Variants in FMN1 observed in about 807,000 individuals in gnomAD.
FMN1 encodes the protein formin-1.
A neutral mutation model predicts 132.4 loss-of-function variants in FMN1; 110 were observed. The ratio of observed to expected loss-of-function variants is 0.83; its 90% confidence interval spans 0.71 to 0.97. FMN1 has a LOEUF of 0.97. Ranked by LOEUF, FMN1 falls within the 50% of genes least tolerant of loss-of-function variation. The pLI, the probability that FMN1 is intolerant of heterozygous loss-of-function variation, is 0.00. For synonymous variants in FMN1, 722 were observed against 651.7 expected, an observed-to-expected ratio of 1.11 and a Z score of -1.64; for missense variants, 1,792 against 1,705.3, an observed-to-expected ratio of 1.05 and a Z score of -0.90.
intron 19 of FMN1, among the ~76,000 whole-genome samples, chr15:32,783,459 T>C (rs1054027950): frequency 5.3e-5 from 8 of 152,076 alleles, no homozygotes; most frequent in African/African-American, 1.9e-4. Flanking sequence ...AAGTTGACTG[T>C]AACCTGGCCG....
At chr15:32,896,165 C>G (rs1479985387) in intron 15 of FMN1, among the ~76,000 whole-genome samples, 1 of 151,878 alleles carries the variant, frequency 6.6e-6, no homozygotes, top group Non-Finnish European at 1.5e-5. Flanking sequence ...TTATTTAGAT[C>G]CATTTCTGAG....
intron 4 of FMN1, among the ~76,000 whole-genome samples, chr15:33,148,120 A>G (rs1403594299): frequency 6.6e-6 from 1 of 152,226 alleles, no homozygotes; most frequent in Non-Finnish European, 1.5e-5. Flanking sequence ...TAAGATTACC[A>G]CTGTTCTATA....
intron 5 of FMN1, among the ~76,000 whole-genome samples, chr15:33,070,575 A>G (rs1473783989): frequency 1.3e-5 from 2 of 152,100 alleles, no homozygotes; most frequent in East Asian, 3.9e-4. Context: ...TCCCCTCAAT[A>G]CTCATAGATG....
intron 19 of FMN1, among the ~76,000 whole-genome samples, chr15:32,793,348 C>T (rs186111053): frequency 1.1e-4 from 16 of 152,034 alleles, no homozygotes; most frequent in South Asian, 6.2e-4. Flanking sequence ...GGCGCGATCT[C>T]GGCTCACTGC....
intron 4 of FMN1, among the ~76,000 whole-genome samples, chr15:33,123,344 G>C (rs931112372): frequency 1.3e-5 from 2 of 151,878 alleles, no homozygotes; most frequent in Admixed American, 1.3e-4. Flanking sequence ...TACTGAATTA[G>C]GTAAATACTC....
chr15:33,067,721 G>A, intron 5 of FMN1: 1 of 1,613,966 alleles, frequency 6.2e-7, no homozygotes, highest in Non-Finnish European at 8.5e-7. Context: ...TTTCAGCACA[G>A]CATCTTCCTC....
intron 17 of FMN1, among the ~76,000 whole-genome samples, chr15:32,818,976 C>A (rs2141090279): frequency 6.7e-6 from 1 of 150,272 alleles, no homozygotes; most frequent in East Asian, 2.0e-4. Flanking sequence ...AAATGTTTTA[C>A]TGGAGAAAAA....
intron 9 of FMN1, among the ~76,000 whole-genome samples, chr15:32,955,536 T>C (rs910491909): frequency 6.6e-6 from 1 of 152,190 alleles, no homozygotes; most frequent in Non-Finnish European, 1.5e-5. Context: ...CCTCATCCTG[T>C]TGTCTAGCTC....
chr15:33,051,942 T>C (rs1424436822), intron 6 of FMN1, among the ~76,000 whole-genome samples: 1 of 152,212 alleles, frequency 6.6e-6, no homozygotes, highest in Non-Finnish European at 1.5e-5. Context: ...TTCCTTTTGT[T>C]CCAGCTCTAA....
intron 4 of FMN1, among the ~76,000 whole-genome samples, chr15:33,112,333 T>A (rs2039740948): frequency 6.6e-6 from 1 of 152,104 alleles, no homozygotes; most frequent in African/African-American, 2.4e-5. Context: ...TGACCTTTGT[T>A]ATTTAAAAAC....
At chr15:33,010,950 G>T (rs1407375060) in intron 6 of FMN1, among the ~76,000 whole-genome samples, 1 of 151,410 alleles carries the variant, frequency 6.6e-6, no homozygotes, top group African/African-American at 2.4e-5. Flanking sequence ...CCATGTTTCT[G>T]ATTTATAAGA....
At chr15:32,976,095 TTC>T (rs2032180006) in intron 7 of FMN1, among the ~76,000 whole-genome samples, 1 of 152,202 alleles carries the variant, frequency 6.6e-6, no homozygotes, top group African/African-American at 2.4e-5. Context: ...GTTAAAAACA[TTC>T]TCTCTAGGTG....
chr15:33,189,198 T>C (rs1965989447), intron 2 of FMN1, among the ~76,000 whole-genome samples: 1 of 152,002 alleles, frequency 6.6e-6, no homozygotes, highest in Non-Finnish European at 1.5e-5. Flanking sequence ...TTACTTGGGG[T>C]TGGATGGGTA....
intron 4 of FMN1, among the ~76,000 whole-genome samples, chr15:33,091,743 C>T (rs534397094): frequency 2.0e-5 from 3 of 152,014 alleles, no homozygotes; most frequent in Admixed American, 6.6e-5. Context: ...AAATAAAGCA[C>T]GTCTGTATTT....
intron 19 of FMN1, among the ~76,000 whole-genome samples, chr15:32,789,695 CACT>C (rs1334937726): frequency 2.0e-5 from 3 of 151,166 alleles, no homozygotes; most frequent in African/African-American, 4.8e-5. Flanking sequence ...ATTCACCCAC[CACT>C]GACTCACTGA....
At chr15:32,802,701 A>C (rs999352552) in intron 18 of FMN1, among the ~76,000 whole-genome samples, 3 of 152,192 alleles carry the variant, frequency 2.0e-5, no homozygotes, top group African/African-American at 7.2e-5. Context: ...AATCCTGAAA[A>C]AGTATTAGAA....
At chr15:32,806,524 C>CA (rs747322970) in intron 17 of FMN1, among the ~76,000 whole-genome samples, 7 of 152,232 alleles carry the variant, frequency 4.6e-5, no homozygotes, top group Non-Finnish European at 1.0e-4. Context: ...CTCCCCTGCT[C>CA]AAAACCTTCC....
At chr15:32,984,377 A>C (rs965223286) in intron 7 of FMN1, among the ~76,000 whole-genome samples, 3 of 152,136 alleles carry the variant, frequency 2.0e-5, no homozygotes, top group Non-Finnish European at 4.4e-5. Context: ...GTTTCCTCCT[A>C]TACTTAAAAG....
intron 6 of FMN1, among the ~76,000 whole-genome samples, chr15:33,026,400 G>A (rs571770069): frequency 2.2e-4 from 12 of 54,220 alleles, no homozygotes; most frequent in African/African-American, 5.9e-4. Context: ...TAGAGGATAC[G>A]TCCAAATTTT....
Sources: allele counts gnomAD v4.1 joint callset (sites outside exome capture counted in the v4.1 genomes callset), GRCh38; gene constraint gnomAD v4.1.1; transcripts MANE v1.5; gene names NCBI Gene and HGNC (gene_info 2026-07-23, HGNC 2026-07-21).